ATRN: variants seen among roughly 807,000 people sequenced by gnomAD.
The protein encoded by ATRN is attractin.
In ATRN, 54 loss-of-function variants were observed where a neutral mutation model predicts 178.7. The ratio of observed to expected loss-of-function variants is 0.30; its 90% CI spans 0.24 to 0.38. The LOEUF (loss-of-function observed/expected upper bound fraction) is 0.38. ATRN is among the 10% of genes least tolerant of loss of function. The probability of loss-of-function intolerance (pLI) is 1.00; values close to 1 mark genes in which losing one functional copy is unlikely to be tolerated. For synonymous variants in ATRN, 636 were observed against 663.0 expected, an observed-to-expected ratio of 0.96 and a Z score of 0.63; for missense variants, 1,443 against 1,815.1, an observed-to-expected ratio of 0.79 and a Z score of 3.73.
At chr20:3,479,453 A>G (rs1366997630) in intron 1 of ATRN, among the ~76,000 whole-genome samples, 1 of 152,226 alleles carries the variant, frequency 6.6e-6, no homozygotes, top group African/African-American at 2.4e-5. Flanking sequence ...TTCTGGTGGA[A>G]GACATCACAG....
At chr20:3,485,648 G>A (rs556518170) in intron 1 of ATRN, among the ~76,000 whole-genome samples, 39 of 83,238 alleles carry the variant, frequency 4.7e-4, no homozygotes, top group Non-Finnish European at 6.8e-4. Context: ...TTGAGTTGGA[G>A]TCTTGCCCTG....
intron 1 of ATRN, among the ~76,000 whole-genome samples, chr20:3,524,934 A>T (rs775716192): frequency 2.6e-5 from 4 of 152,200 alleles, no homozygotes; most frequent in African/African-American, 7.2e-5. Flanking sequence ...TATAGCACTA[A>T]ATGCCCACAG....
At chr20:3,569,975 G>A (rs1169164203) in intron 11 of ATRN, among the ~76,000 whole-genome samples, 1 of 151,962 alleles carries the variant, frequency 6.6e-6, no homozygotes, top group African/African-American at 2.4e-5. Flanking sequence ...GGAGGTTGAG[G>A]TGGGAGGATT....
At chr20:3,494,443 C>CT (rs779668256) in intron 1 of ATRN, among the ~76,000 whole-genome samples, 3 of 152,156 alleles carry the variant, frequency 2.0e-5, no homozygotes, top group Non-Finnish European at 4.4e-5. Context: ...CTGCAAAGAA[C>CT]TGTCCAGACG....
At chr20:3,531,461 G>A (rs1030002429) in intron 1 of ATRN, among the ~76,000 whole-genome samples, 1 of 152,180 alleles carries the variant, frequency 6.6e-6, no homozygotes, top group Non-Finnish European at 1.5e-5. Flanking sequence ...TTGCAGTGAT[G>A]TGCATATTGT....
intron 3 of ATRN, among the ~76,000 whole-genome samples, chr20:3,545,133 G>A (rs547762290): frequency 1.4e-4 from 21 of 152,040 alleles, no homozygotes; most frequent in Non-Finnish European, 2.8e-4. Context: ...TTGGGAGGCC[G>A]AGGTGGGTGG....
chr20:3,516,091 G>A (rs2085202783), intron 1 of ATRN, among the ~76,000 whole-genome samples: 1 of 152,196 alleles, frequency 6.6e-6, no homozygotes, highest in Non-Finnish European at 1.5e-5. Context: ...CTGGAAGAAA[G>A]TAGATATGAA....
chr20:3,608,979 G>A (rs28875840), intron 24 of ATRN, among the ~76,000 whole-genome samples: 962 of 141,986 alleles, frequency 6.8e-3, no homozygotes, highest in Non-Finnish European at 0.01. Flanking sequence ...AAAAAAAAAA[G>A]AAAAAAAAAA....
At chr20:3,594,364 A>G (rs1042515475) in intron 19 of ATRN, 115 bp from the exon 20 acceptor site, 63 of 687,746 alleles carry the variant, frequency 9.2e-5, no homozygotes, top group Non-Finnish European at 1.2e-4. Flanking sequence ...TCGTACTTTA[A>G]TCTGTCTTTC....
At chr20:3,488,349 A>G (rs1307494051) in intron 1 of ATRN, among the ~76,000 whole-genome samples, 1 of 152,092 alleles carries the variant, frequency 6.6e-6, no homozygotes, top group Non-Finnish European at 1.5e-5. Context: ...TCTACAGTCC[A>G]CCTAGAGAAA....
intron 1 of ATRN, among the ~76,000 whole-genome samples, chr20:3,472,115 A>G (rs2084438990): frequency 6.6e-6 from 1 of 152,210 alleles, no homozygotes; most frequent in African/African-American, 2.4e-5. Flanking sequence ...GCAAATTGGA[A>G]TAGGGTCTGT....
intron 24 of ATRN, among the ~76,000 whole-genome samples, chr20:3,617,803 G>A (rs1258278606): frequency 1.4e-5 from 2 of 146,802 alleles, no homozygotes; most frequent in Admixed American, 1.3e-4. Flanking sequence ...GCACCCTGGA[G>A]CTGAAGTTCT....
chr20:3,491,168 C>G (rs2084788240), intron 1 of ATRN, among the ~76,000 whole-genome samples: 1 of 151,970 alleles, frequency 6.6e-6, no homozygotes, highest in South Asian at 2.1e-4. Context: ...CAAAAAAAAC[C>G]CTTCTTTGAT....
chr20:3,555,556 CA>C (rs11087586), intron 6 of ATRN, among the ~76,000 whole-genome samples: 130,499 of 152,152 alleles, frequency 0.86, 56,381 homozygotes, highest in East Asian at 1. Context: ...TGGTAGACCA[CA>C]AAACAAAATC....
intron 1 of ATRN, among the ~76,000 whole-genome samples, chr20:3,500,199 G>T (rs1229436417): frequency 6.6e-6 from 1 of 152,202 alleles, no homozygotes; most frequent in Non-Finnish European, 1.5e-5. Context: ...TGCTGGAGAG[G>T]ATGTGGAGAA....
intron 14 of ATRN, 152 bp from the exon 15 acceptor site, chr20:3,578,430 T>G: frequency 1.5e-6 from 1 of 648,884 alleles, no homozygotes; most frequent in East Asian, 2.8e-5. Context: ...CATTTGGTCC[T>G]TAATAATGTG....
intron 4 of ATRN, among the ~76,000 whole-genome samples, chr20:3,546,731 T>A (rs2085708644): frequency 6.6e-6 from 1 of 152,124 alleles, no homozygotes; most frequent in South Asian, 2.1e-4. Context: ...GCCTGCCTTC[T>A]TCCATCTGAA....
intron 24 of ATRN, among the ~76,000 whole-genome samples, chr20:3,613,143 C>A (rs559256110): frequency 3.9e-5 from 6 of 152,302 alleles, no homozygotes; most frequent in African/African-American, 1.4e-4. Flanking sequence ...AAATTAAGAT[C>A]CACTTATGAA....
intron 1 of ATRN, among the ~76,000 whole-genome samples, chr20:3,522,592 G>T (rs990199580): frequency 2.0e-5 from 3 of 152,150 alleles, no homozygotes; most frequent in Admixed American, 2.0e-4. Flanking sequence ...TCCTCAAGTG[G>T]GTCCCTGACC....
Sources: gnomAD v4.1 joint callset for allele counts (sites outside exome capture counted in the v4.1 genomes callset) on GRCh38, gnomAD v4.1.1 for gene constraint, MANE v1.5 for transcripts, NCBI Gene and HGNC (gene_info 2026-07-23, HGNC 2026-07-21) for gene names.